The following CPZ variants were observed in gnomAD, a reference collection of about 807,000 sequenced individuals.
CPZ encodes VEZT/CPZ fusion.
CPZ carries 103 observed loss-of-function variants against 61.8 expected under a neutral mutation model. The observed-to-expected ratio is 1.67, with a 90% confidence interval of 1.42 to 1.96. The LOEUF (loss-of-function observed/expected upper bound fraction) is 1.96, where lower values mean the gene tolerates loss of function less well. Ranked by LOEUF, CPZ falls within the 30% of genes most tolerant of loss-of-function variation. The pLI is 0.00. For synonymous variants in CPZ, 551 were observed against 373.7 expected, an observed-to-expected ratio of 1.47 and a Z score of -5.47; for missense variants, 1,461 against 914.9, an observed-to-expected ratio of 1.60 and a Z score of -7.70.
At chr4:8,608,641 C>CGTGTGTGTGTGTGTATGCCT (rs57341669) in intron 7 of CPZ, among the ~76,000 whole-genome samples, 143,593 of 151,496 alleles carry the variant, frequency 0.95, 68,012 homozygotes, top group East Asian at 0.99. Flanking sequence ...TGTGAGTGCA[C>CGTGTGTGTGTGTGTATGCCT]GTGTGTGCGT....
intron 8 of CPZ, among the ~76,000 whole-genome samples, chr4:8,614,027 C>T (rs1715938038): frequency 6.6e-6 from 1 of 152,314 alleles, no homozygotes. Flanking sequence ...GACTTTGCCG[C>T]CAAGCGGCCT....
chr4:8,592,918 G>A lies in CPZ; in HGVS notation c.85G>A (p.Ala29Thr). 3 of 1,534,082 alleles carry A rather than the reference G, an allele frequency of 2.0e-6. No individual in the cohort carries two copies. The highest frequency in any genetic ancestry group is 1.7e-6 in the Non-Finnish European group (2 of 1,143,282). Residue 29 changes from alanine to threonine, a missense_variant, in exon 1 of 11, where the codon GCC (alanine) becomes ACC (threonine). By Grantham distance (58) the Ala-to-Thr change is moderately conservative. Transcript: ENST00000360986. ...RPGCEFERNP[A>T]GECHRPPAAD... ...GGGGTGCGAGTTTGAGCGGAACCCC[G>A]CCGGTAAGGCCGTCCCCTGCCCCCA...
At chr4:8,610,251 C>G (rs1199965277) in intron 7 of CPZ, among the ~76,000 whole-genome samples, 3 of 152,214 alleles carry the variant, frequency 2.0e-5, no homozygotes, top group African/African-American at 7.2e-5. Flanking sequence ...CCATGTGCGC[C>G]CAGCCTCTGG....
intron 8 of CPZ, among the ~76,000 whole-genome samples, chr4:8,614,152 C>T (rs1419613692): frequency 2.0e-5 from 3 of 152,256 alleles, no homozygotes; most frequent in Non-Finnish European, 4.4e-5. Context: ...TTGTTCAGCC[C>T]CTCAGCTGCA....
At chr4:8,613,909 C>T (rs1388351201) in intron 8 of CPZ, among the ~76,000 whole-genome samples, 3 of 152,258 alleles carry the variant, frequency 2.0e-5, no homozygotes, top group Admixed American at 6.5e-5. Flanking sequence ...AGGCCAGCAG[C>T]TGGGATGCCA....
intron 5 of CPZ, 135 bp from the exon 6 acceptor site, chr4:8,606,602 C>A: frequency 1.8e-6 from 2 of 1,135,680 alleles, no homozygotes; most frequent in Non-Finnish European, 2.6e-6. Context: ...TCAGGCATGC[C>A]CCCGAGCTCA....
In CPZ at chr4:8,619,634, C is replaced by T. The variant is rs748781921; in HGVS notation, c.*17C>T. The stretch of plus-strand genomic sequence containing the variant: ...AAGTACTAGCCCCGGCCCCAGCACC[C>T]GCCAGGATGTGGAGACCGAGGCCCA... On this transcript the variant is annotated 3_prime_UTR_variant, in exon 11 of 11. Transcript: ENST00000360986. 40 of 1,476,278 alleles carry T rather than the reference C, an allele frequency of 2.7e-5. No homozygotes were observed. Among genetic ancestry groups the T allele is most frequent in the East Asian group, 2.2e-4 (9 of 41,048 alleles). The allele number at this position is 1,476,278 out of a possible 1,614,324, so 91.4% of individuals were successfully genotyped here.
At position 8,607,347 on chromosome 4, in the gene CPZ, C is replaced by G; in HGVS notation, c.1149C>G (p.Asp383Glu). ...FVLSASLHGGDLVVSYPFDFS... is the reference protein window; with the variant it reads ...FVLSASLHGGELVVSYPFDFS... ...TCTCAGCCAGCCTTCATGGGGGCGA[C>G]CTGGTGGTGTCCTACCCCTTCGACT... Residue 383 changes from aspartate to glutamate, a missense_variant, in exon 7 of 11, where the codon GAC becomes GAG. Transcript: ENST00000360986. 3 of 1,614,126 alleles carry G rather than the reference C, an allele frequency of 1.9e-6. No individual in the cohort carries two copies. Among genetic ancestry groups the G allele is most frequent in the Non-Finnish European group, 2.5e-6 (3 of 1,179,988 alleles).
At position 8,619,462 on chromosome 4, in the gene CPZ, G is replaced by A. The variant is rs151079768; in HGVS notation, c.1804G>A (p.Asp602Asn). ...TGGGCTGCGGAGGACTGGGCCCCAC[G>A]ACCCACTGGGAGGTGCCAGCTCTTT... ...IHGLRRTGPH[D>N]PLGGASSLGE... is the part of the protein sequence containing the mutation. The change falls in exon 11 of 11, where the codon GAC becomes AAC. Residue 602 changes from aspartate (D) to asparagine (N), a missense_variant. Transcript: ENST00000360986. 8.7e-4 allele frequency: 1,410 copies of A among 1,611,508 alleles called. 2 individuals are homozygous for A. The highest frequency in any genetic ancestry group is 1.1e-3 in the Non-Finnish European group (1,331 of 1,178,438).
intron 8 of CPZ, among the ~76,000 whole-genome samples, chr4:8,612,883 G>A (rs1715831268): frequency 1.3e-5 from 2 of 152,218 alleles, no homozygotes; most frequent in Admixed American, 6.5e-5. Flanking sequence ...ATCCCCTTCT[G>A]CCCCCTCTTC....
intron 7 of CPZ, among the ~76,000 whole-genome samples, chr4:8,608,409 C>G (rs1022105933): frequency 2.0e-5 from 3 of 152,186 alleles, no homozygotes; most frequent in Admixed American, 1.3e-4. Flanking sequence ...ACAGCAGTCA[C>G]ACATCGTTTG....
At position 8,619,602 on chromosome 4, in the gene CPZ, G is replaced by C. The variant is rs745576687; in HGVS notation, c.1944G>C (p.Trp648Cys). Residue 648 changes from tryptophan (W) to cysteine (C), a missense_variant, in exon 11 of 11, where the codon TGG becomes TGC. Transcript: ENST00000360986. ...CGCTGAGCACCCACAGGCCACGCTGGCTGCTCAAGTACTAGCCCCGGCCCC... is the reference window on the plus strand; with the variant it reads ...CGCTGAGCACCCACAGGCCACGCTGCCTGCTCAAGTACTAGCCCCGGCCCC... ...FTSLSTHRPR[W>C]LLKY 3.3e-6 allele frequency: 5 copies of C among 1,506,002 alleles called. No homozygotes were observed. In the Admixed American group the frequency reaches 6.8e-5, roughly 20 times the overall value. 93.3% of individuals were successfully genotyped at this position (1,506,002 alleles called of 1,614,324 possible).
At position 8,606,743 on chromosome 4, in the gene CPZ, G is replaced by C. The variant is rs757392661; in HGVS notation, c.913G>C (p.Gly305Arg). Residue 305 changes from glycine (G) to arginine (R), a missense_variant, in exon 6 of 11, where the codon GGC (glycine) becomes CGC (arginine). Gly to Arg is a moderately radical substitution (Grantham distance 125). Coordinates refer to ENST00000360986, the MANE Select transcript of CPZ (RefSeq NM_001014447.3). ...GGGTTGGCCATGTTTTCAGGGTGCCGGCTACAACGGGTGGACGAGCGGGAG... is the reference window on the plus strand; with the variant it reads ...GGGTTGGCCATGTTTTCAGGGTGCCCGCTACAACGGGTGGACGAGCGGGAG... The part of the protein sequence containing the change: ...GYEVAAAEGA[G>R]YNGWTSGRQN... The C allele has an allele frequency of 1.9e-6, 3 of 1,614,000 alleles. No individual in the cohort carries two copies. Among genetic ancestry groups the C allele is most frequent in the Non-Finnish European group, 1.7e-6 (2 of 1,180,024 alleles).
chr4:8,601,168 A>G lies in CPZ; in HGVS notation c.167A>G (p.Tyr56Cys), dbSNP rs1716918603. The G allele has an allele frequency of 1.2e-6, 2 of 1,605,602 alleles. No homozygotes were observed. The highest frequency in any genetic ancestry group is 1.7e-6 in the Non-Finnish European group (2 of 1,174,250). ...LQLRTCSDAA[Y>C]NHTTFPNLLQ... Reference sequence around the variant, plus strand: ...CTCAGGACCTGCAGCGATGCCGCCTACAACCACACCACCTTCCCCAACCTG... The same window carrying G: ...CTCAGGACCTGCAGCGATGCCGCCTGCAACCACACCACCTTCCCCAACCTG... The change falls in exon 3 of 11, where the codon TAC becomes TGC. Residue 56 changes from tyrosine to cysteine, a missense_variant. Physicochemically the swap from Tyr to Cys is radical, Grantham distance 194. Coordinates refer to ENST00000360986, the MANE Select transcript of CPZ (RefSeq NM_001014447.3).
In CPZ at chr4:8,599,593, G is replaced by A. The variant is rs879065545; in HGVS notation, c.121+108G>A. 3 of 1,546,968 alleles carry A rather than the reference G, an allele frequency of 1.9e-6. No individual in the cohort carries two copies. In the Admixed American group the frequency reaches 5.9e-5, roughly 31 times the overall value. Reference sequence around the variant, plus strand: ...TCCGTGATTTCAGAAGTGGGTAATGGATAACACAGCCCATTAATCAAACTA... The same window carrying A: ...TCCGTGATTTCAGAAGTGGGTAATGAATAACACAGCCCATTAATCAAACTA... On this transcript the variant is annotated intron_variant, in intron 2 of 10. Transcript: ENST00000360986.
At chr4:8,609,063 C>CACTCACCCATTCACTCCCTCA (rs1577119484) in intron 7 of CPZ, among the ~76,000 whole-genome samples, 1 of 134,836 alleles carries the variant, frequency 7.4e-6, no homozygotes, top group African/African-American at 3.1e-5. Flanking sequence ...TCCCTCACTC[C>CACTCACCCATTCACTCCCTCA]CTCACTCACC....
chr4:8,603,273 C>G (rs1220638452), intron 3 of CPZ: 1 of 152,402 alleles, frequency 6.6e-6, no homozygotes, highest in East Asian at 1.9e-4. Flanking sequence ...TAAGCGTCAT[C>G]GGGGTGGCCC....
At position 8,601,221 on chromosome 4, in the gene CPZ, G is replaced by A. The variant is rs1714551847; in HGVS notation, c.220G>A (p.Glu74Lys). The A allele has an allele frequency of 6.2e-7, 1 of 1,613,418 alleles. No individual in the cohort carries two copies. The highest frequency in any genetic ancestry group is 8.5e-7 in the Non-Finnish European group (1 of 1,179,906). Residue 74 changes from glutamate to lysine, a missense_variant, in exon 3 of 11, where the codon GAG becomes AAG. By Grantham distance (56) the Glu-to-Lys change is moderately conservative. Coordinates refer to ENST00000360986, the MANE Select transcript of CPZ (RefSeq NM_001014447.3). ...TCAGCACCGGTCGTGGGAGGTGGTG[G>A]AGGCCAGCTCCGAGTACATCCTGCT... Reference protein sequence around the residue: ...LLQHRSWEVVEASSEYILLSV... With the variant: ...LLQHRSWEVVKASSEYILLSV...
At position 8,595,574 on chromosome 4, in the gene CPZ, C is replaced by T. The variant is rs147233951; in HGVS notation, c.88+2653C>T. ...AGGCCCAGCCACATCATGGGACTAG[C>T]TGTGTGGTCTTGGGGCAGTTGCAGC... On this transcript the variant is annotated intron_variant, in intron 1 of 10. Transcript: ENST00000360986. Among the ~76,000 whole-genome samples, 377 of 152,374 alleles carry T rather than the reference C, an allele frequency of 2.5e-3. 3 individuals carry two copies. Among genetic ancestry groups the T allele is most frequent in the African/African-American group, 8.6e-3 (359 of 41,594 alleles).
Sources: gnomAD v4.1 joint callset for allele counts (sites outside exome capture counted in the v4.1 genomes callset) on GRCh38, gnomAD v4.1.1 for gene constraint, MANE v1.5 for transcripts, NCBI Gene and HGNC (gene_info 2026-07-23, HGNC 2026-07-21) for gene names.